KLF12: variants seen among roughly 807,000 people sequenced by gnomAD.
The protein encoded by KLF12 is KLF transcription factor 12.
KLF12 carries 9 observed loss-of-function variants against 37.8 expected under a neutral mutation model. That is an observed-to-expected ratio of 0.24 (90% confidence interval 0.14 to 0.42). The LOEUF is 0.42. Among genes scored for constraint, KLF12 ranks in the 10% least tolerant of loss-of-function variants. The pLI is 1.00. For missense variants in KLF12, 411 were observed against 516.0 expected, an observed-to-expected ratio of 0.80 and a Z score of 1.97; for synonymous variants, 208 against 202.1, an observed-to-expected ratio of 1.03 and a Z score of -0.25.
the KLF12 span, among the ~76,000 whole-genome samples, chr13:74,218,119 G>A: frequency 7.9e-5 from 12 of 152,152 alleles, no homozygotes; most frequent in East Asian, 1.7e-3. Flanking sequence ...AAAACTGCAA[G>A]CCTTAAAAAA....
chr13:74,184,031 C>T, the KLF12 span, among the ~76,000 whole-genome samples: 1 of 152,120 alleles, frequency 6.6e-6, no homozygotes. Flanking sequence ...AAGGTGTGAT[C>T]CACTGACCAT....
chr13:73,816,819 G>A (rs57730615), intron 4 of KLF12, among the ~76,000 whole-genome samples: 1,828 of 152,258 alleles, frequency 0.012, 26 homozygotes, highest in African/African-American at 0.041. Flanking sequence ...GAAGAAGCCC[G>A]GGAGAGCCTA....
the KLF12 span, among the ~76,000 whole-genome samples, chr13:74,281,809 C>G: frequency 2.8e-3 from 421 of 152,240 alleles, 9 homozygotes; most frequent in Admixed American, 0.025. Flanking sequence ...CAATATCTCT[C>G]ACAATAGTTT....
intron 1 of KLF12, among the ~76,000 whole-genome samples, chr13:74,075,128 A>G (rs772257237): frequency 1.3e-5 from 2 of 152,226 alleles, no homozygotes; most frequent in Admixed American, 1.3e-4. Flanking sequence ...GAAAGGGACA[A>G]GAAGGAAGGG....
chr13:73,999,932 C>T (rs1021865919), intron 1 of KLF12, among the ~76,000 whole-genome samples: 3 of 152,148 alleles, frequency 2.0e-5, no homozygotes, highest in Non-Finnish European at 4.4e-5. Flanking sequence ...TGGAAAAGAT[C>T]TAGCTTTGAA....
At chr13:73,768,095 G>T (rs1295108358) in intron 5 of KLF12, among the ~76,000 whole-genome samples, 1 of 152,160 alleles carries the variant, frequency 6.6e-6, no homozygotes, top group Non-Finnish European at 1.5e-5. Flanking sequence ...TGAAAATTGT[G>T]TGACCAGCCT....
the KLF12 span, among the ~76,000 whole-genome samples, chr13:74,221,297 C>T: frequency 3.3e-5 from 5 of 152,288 alleles, no homozygotes; most frequent in South Asian, 8.3e-4. Context: ...TGAGCCACCG[C>T]GCCCAGCCAT....
intron 6 of KLF12, among the ~76,000 whole-genome samples, chr13:73,747,977 T>C (rs1878486946): frequency 6.6e-6 from 1 of 152,218 alleles, no homozygotes; most frequent in Admixed American, 6.5e-5. Context: ...ATGTAAAATA[T>C]CATTGAAAGG....
intron 3 of KLF12, among the ~76,000 whole-genome samples, chr13:73,922,378 T>C (rs1889157949): frequency 6.6e-6 from 1 of 152,108 alleles, no homozygotes; most frequent in African/African-American, 2.4e-5. Flanking sequence ...GCTTAACATC[T>C]CAGCACCCAT....
rs201728570 is a variant in KLF12 at position 73,895,822 on chromosome 13, C to CT, written c.123+48158dup. On this transcript the variant is annotated intron_variant, in intron 3 of 7. Coordinates refer to ENST00000377669, the MANE Select transcript of KLF12 (RefSeq NM_007249.5). ...TGCAATGAGAAATCACCATGGAATT[C>CT]TTTTTTTTTTTTTTTTGAGACAGAA... 8.3e-3 allele frequency among the ~76,000 whole-genome samples: 1,199 copies of CT among 144,078 alleles called. 7 individuals are homozygous for CT. The highest frequency in any genetic ancestry group is 0.021 in the Middle Eastern group (6 of 288). The allele number at this position is 144,078 out of a possible 152,430, so 94.5% of individuals were successfully genotyped here.
At chr13:73,889,727 A>G (rs1887411971) in intron 3 of KLF12, among the ~76,000 whole-genome samples, 1 of 152,138 alleles carries the variant, frequency 6.6e-6, no homozygotes, top group South Asian at 2.1e-4. Flanking sequence ...ATAATGCAAA[A>G]TAAAGGGCTA....
chr13:74,117,788 G>A (rs750415834), intron 1 of KLF12, among the ~76,000 whole-genome samples: 1 of 152,152 alleles, frequency 6.6e-6, no homozygotes, highest in Non-Finnish European at 1.5e-5. Flanking sequence ...AAAAGCATCA[G>A]ATGAACCAAA....
intron 7 of KLF12, among the ~76,000 whole-genome samples, chr13:73,699,487 C>G (rs1874390196): frequency 6.6e-6 from 1 of 152,150 alleles, no homozygotes; most frequent in African/African-American, 2.4e-5. Context: ...GAATCTTCTG[C>G]TCATTAAAAA....
intron 2 of KLF12, among the ~76,000 whole-genome samples, chr13:73,963,284 TAC>T (rs10543490): frequency 0.039 from 5,687 of 145,188 alleles, 117 homozygotes; most frequent in South Asian, 0.096. Flanking sequence ...GAGTCATTTA[TAC>T]ACACACACAC....
chr13:74,038,623 G>T (rs7328558), intron 1 of KLF12, among the ~76,000 whole-genome samples: 1 of 151,994 alleles, frequency 6.6e-6, no homozygotes, highest in Non-Finnish European at 1.5e-5. Flanking sequence ...GACTATAAAC[G>T]ACTAGTATAA....
At chr13:74,085,668 C>A (rs1192512808) in intron 1 of KLF12, among the ~76,000 whole-genome samples, 2 of 152,132 alleles carry the variant, frequency 1.3e-5, no homozygotes, top group African/African-American at 4.8e-5. Context: ...CACTAGCCAG[C>A]GGGTTTCTAA....
chr13:73,754,929 ATGGTTG>A (rs1462333875), intron 6 of KLF12, among the ~76,000 whole-genome samples: 228 of 152,316 alleles, frequency 1.5e-3, no homozygotes, highest in African/African-American at 5.3e-3. Flanking sequence ...TGTTCTTCAC[ATGGTTG>A]CCTTTAGCCT....
At chr13:74,190,689 T>C in the KLF12 span, among the ~76,000 whole-genome samples, 1 of 152,252 alleles carries the variant, frequency 6.6e-6, no homozygotes, top group African/African-American at 2.4e-5. Context: ...ACCATTTAAG[T>C]GTCTCTTATG....
intron 1 of KLF12, among the ~76,000 whole-genome samples, chr13:74,099,652 A>G (rs1876197452): frequency 6.6e-6 from 1 of 152,122 alleles, no homozygotes; most frequent in African/African-American, 2.4e-5. Flanking sequence ...GAAAACCTAC[A>G]TGCAGGGTAC....
Sources: allele counts gnomAD v4.1 joint callset (sites outside exome capture counted in the v4.1 genomes callset), GRCh38; gene constraint gnomAD v4.1.1; transcripts MANE v1.5; gene names NCBI Gene and HGNC (gene_info 2026-07-23, HGNC 2026-07-21).